The following CFAP46 variants were observed in gnomAD, a reference collection of about 807,000 sequenced individuals.
CFAP46 encodes the protein cilia and flagella associated protein 46.
Under a neutral mutation model 325.7 loss-of-function variants are expected in CFAP46, and 245 were observed. That is an observed-to-expected ratio of 0.75 (90% CI 0.68 to 0.84). The LOEUF is 0.84. Ranked by LOEUF, CFAP46 falls within the 40% of genes least tolerant of loss-of-function variation. The probability of loss-of-function intolerance (pLI) is 0.00; values close to 1 mark genes in which losing one functional copy is unlikely to be tolerated. For synonymous variants in CFAP46, 1,523 were observed against 1,495.9 expected, an observed-to-expected ratio of 1.02 and a Z score of -0.42; for missense variants, 3,346 against 3,543.0, an observed-to-expected ratio of 0.94 and a Z score of 1.41.
chr10:132,915,693 C>T (rs1041842402), intron 17 of CFAP46, among the ~76,000 whole-genome samples: 18 of 152,378 alleles, frequency 1.2e-4, no homozygotes, highest in South Asian at 1.0e-3. Flanking sequence ...GAGCTTACCA[C>T]GTTCGTGTGC....
chr10:132,879,602 G>T lies in CFAP46; in HGVS notation c.3829C>A (p.Arg1277=), dbSNP rs867412962. The change falls in exon 29 of 58, where the codon CGG becomes AGG. Residue 1277 remains arginine (R), a synonymous_variant. Transcript: ENST00000368586. ...GEYVAVEMPP[R]SPVSEAEEAV... ...TCCTCGGCCTCGGACACGGGGCTCC[G>T]TGGGGGCATCTCCACAGCCACGTAC... is the stretch of plus-strand genomic sequence containing the variant. 2.6e-6 allele frequency: 4 copies of T among 1,543,528 alleles called. No homozygotes were observed. Among genetic ancestry groups the T allele is most frequent in the Non-Finnish European group, 2.6e-6 (3 of 1,144,418 alleles).
Position 132,885,169 on chromosome 10 carries a change from C to G in CFAP46, c.3561G>C (p.Leu1187=). 6.4e-7 allele frequency: 1 copy of G among 1,550,484 alleles called. No homozygotes were observed. ...EDYLARMWHR[L]ALNSPSVSGE... ...CAGACACGCTCGGCGAGTTCAGGGCCAGGCGGTGCCACATGCGCGCCAAGT... is the reference window on the plus strand; with the variant it reads ...CAGACACGCTCGGCGAGTTCAGGGCGAGGCGGTGCCACATGCGCGCCAAGT... The change falls in exon 27 of 58, where the codon CTG becomes CTC. Residue 1187 remains leucine, a synonymous_variant. Transcript: ENST00000368586.
At chr10:132,814,283 C>G (rs1237432050) in intron 53 of CFAP46, 29 bp from the exon 54 acceptor site, 6 of 1,565,038 alleles carry the variant, frequency 3.8e-6, no homozygotes, top group Non-Finnish European at 5.3e-6. Context: ...GGATACAGAC[C>G]ACGGTGTTTC....
chr10:132,925,476 C>T (rs1467749500), intron 10 of CFAP46, among the ~76,000 whole-genome samples: 1 of 152,256 alleles, frequency 6.6e-6, no homozygotes, highest in Non-Finnish European at 1.5e-5. Context: ...CCTCGTACGC[C>T]GGTGCCGGCC....
At chr10:132,865,498 G>A (rs904114081) in intron 35 of CFAP46, among the ~76,000 whole-genome samples, 2 of 152,188 alleles carry the variant, frequency 1.3e-5, no homozygotes, top group Admixed American at 6.5e-5. Context: ...CAGGTGCAGC[G>A]CCCGCCGGGG....
At chr10:132,907,868 G>A (rs920825069) in intron 22 of CFAP46, among the ~76,000 whole-genome samples, 2 of 152,104 alleles carry the variant, frequency 1.3e-5, no homozygotes, top group East Asian at 1.9e-4. Flanking sequence ...GGGAGGCGCC[G>A]TCTGTGAGAC....
intron 22 of CFAP46, among the ~76,000 whole-genome samples, chr10:132,900,417 G>A (rs1264701155): frequency 6.6e-6 from 1 of 152,268 alleles, no homozygotes; most frequent in East Asian, 1.9e-4. Flanking sequence ...TCTCGCCATG[G>A]ATGGGGGAGC....
intron 55 of CFAP46, 131 bp downstream of exon 55, chr10:132,812,654 T>TG: frequency 4.0e-6 from 2 of 498,566 alleles, no homozygotes; most frequent in Non-Finnish European, 6.8e-6. Flanking sequence ...TCACAGAGGG[T>TG]GGGGGGCAGG....
intron 36 of CFAP46, 86 bp from the exon 37 acceptor site, chr10:132,860,609 T>TA: frequency 8.2e-7 from 1 of 1,213,502 alleles, no homozygotes; most frequent in South Asian, 1.3e-5. Flanking sequence ...CAGGGACAGA[T>TA]ACGGGCCTGA....
chr10:132,910,013 G>A lies in CFAP46; in HGVS notation c.2555C>T (p.Pro852Leu), dbSNP rs1370091255. Residue 852 changes from proline to leucine, a missense_variant, in exon 20 of 58, where the codon CCC (proline) becomes CTC (leucine). Pro to Leu is a moderately conservative substitution (Grantham distance 98). Coordinates refer to ENST00000368586, the MANE Select transcript of CFAP46 (RefSeq NM_001200049.3). The stretch of plus-strand genomic sequence containing the variant: ...GATAAGCTGCTGCCGGGTGCCGGTG[G>A]GCACCGTCTCCTCGGGCGCACTCCC... ...TNGSAPEETV[P>L]TGTRQQLIAT... 6 of 1,542,052 alleles carry A rather than the reference G, an allele frequency of 3.9e-6. No homozygotes were observed. The highest frequency in any genetic ancestry group is 5.2e-6 in the Non-Finnish European group (6 of 1,143,788).
At position 132,880,213 on chromosome 10, in the gene CFAP46, C is replaced by T. The variant is rs12244709; in HGVS notation, c.3800-582G>A. 7.9e-3 allele frequency among the ~76,000 whole-genome samples: 1,207 copies of T among 152,342 alleles called. 14 individuals carry two copies. The highest frequency in any genetic ancestry group is 0.026 in the African/African-American group (1,095 of 41,588). ...TGCCGAGCCACCCCATGGGACTCTC[C>T]GTGCGCACCTGCGCTCCCCACAGAG... On this transcript the variant is annotated intron_variant, in intron 28 of 57. Coordinates refer to ENST00000368586, the MANE Select transcript of CFAP46 (RefSeq NM_001200049.3).
intron 22 of CFAP46, among the ~76,000 whole-genome samples, chr10:132,905,743 A>C (rs1018132525): frequency 2.6e-5 from 4 of 152,246 alleles, no homozygotes; most frequent in African/African-American, 9.6e-5. Context: ...AGACTTCCAG[A>C]GACACCTCTG....
At chr10:132,881,582 G>C (rs1392810303) in intron 27 of CFAP46, among the ~76,000 whole-genome samples, 1 of 151,976 alleles carries the variant, frequency 6.6e-6, no homozygotes, top group Non-Finnish European at 1.5e-5. Context: ...GCAGAGCAGA[G>C]CCTCAGCCCT....
At chr10:132,833,944 C>T (rs895688243) in intron 49 of CFAP46, 97 bp downstream of exon 49, 11 of 1,127,204 alleles carry the variant, frequency 9.8e-6, no homozygotes, top group South Asian at 1.3e-5. Context: ...GGTTCCTGAC[C>T]CCCCCTGGCG....
At position 132,833,545 on chromosome 10, in the gene CFAP46, G is replaced by A. The variant is rs558572926; in HGVS notation, c.6950-20C>T. 2 of 1,604,378 alleles carry A rather than the reference G, an allele frequency of 1.2e-6. No homozygotes were observed. Among genetic ancestry groups the A allele is most frequent in the African/African-American group, 1.3e-5 (1 of 74,908 alleles). On this transcript the variant is annotated intron_variant, in intron 49 of 57. Transcript: ENST00000368586. ...CTGTGCCTGGGAAACAGCAGTGCAG[G>A]GAGATCAGCTCCTGAAGACGGGACC...
intron 56 of CFAP46, 93 bp downstream of exon 56, chr10:132,810,857 C>T: frequency 8.3e-7 from 1 of 1,211,710 alleles, no homozygotes; most frequent in Non-Finnish European, 1.2e-6. Context: ...GAAACCCGAC[C>T]CCAGGTCCCT....
chr10:132,838,590 G>GATGCCACAGCTGGTA (rs1206997675), intron 44 of CFAP46, among the ~76,000 whole-genome samples: 1 of 152,286 alleles, frequency 6.6e-6, no homozygotes, highest in Non-Finnish European at 1.5e-5. Context: ...CCTCCCTGCA[G>GATGCCACAGCTGGTA]ATGCCACAGC....
chr10:132,814,320 G>A, intron 53 of CFAP46, 66 bp from the exon 54 acceptor site: 1 of 1,377,712 alleles, frequency 7.3e-7, no homozygotes, highest in Non-Finnish European at 1.0e-6. Context: ...CAGGGCCGGG[G>A]TCCCTGGGGA....
In CFAP46 at chr10:132,889,644, A is replaced by G. The variant is rs1233003955; in HGVS notation, c.3304+2689T>C. Among the ~76,000 whole-genome samples the G allele has an allele frequency of 6.6e-6, 1 of 152,160 alleles. No individual in the cohort carries two copies. The highest frequency in any genetic ancestry group is 1.9e-4 in the East Asian group (1 of 5,192). On this transcript the variant is annotated intron_variant, in intron 25 of 57. Coordinates refer to ENST00000368586, the MANE Select transcript of CFAP46 (RefSeq NM_001200049.3). The surrounding 1 kb of genome is among the most constrained non-coding windows in gnomAD (Gnocchi z 6.0). Reference sequence around the variant, plus strand: ...GATTGACCCACAGCCATGTCCTGGGACCACCCAGTACACATCCAATTCACG... The same window carrying G: ...GATTGACCCACAGCCATGTCCTGGGGCCACCCAGTACACATCCAATTCACG...
Sources: gnomAD v4.1 joint callset for allele counts (sites outside exome capture counted in the v4.1 genomes callset) on GRCh38, gnomAD v4.1.1 for gene constraint, Gnocchi (gnomAD v3.1) non-coding constraint, MANE v1.5 for transcripts, NCBI Gene and HGNC (gene_info 2026-07-23, HGNC 2026-07-21) for gene names.